The following PSME4 variants were observed in gnomAD, a reference collection of about 807,000 sequenced individuals.
The protein encoded by PSME4 is proteasome activator subunit 4.
Under a neutral mutation model 253.9 loss-of-function variants are expected in PSME4, and 89 were observed. The observed-to-expected ratio is 0.35, with a 90% CI of 0.30 to 0.42. The LOEUF is 0.42. Ranked by LOEUF, PSME4 falls within the 10% of genes least tolerant of loss-of-function variation. The pLI, the probability that PSME4 is intolerant of heterozygous loss-of-function variation, is 1.00. For missense variants in PSME4, 2,014 were observed against 2,195.2 expected (o/e 0.92, Z 1.65); for synonymous variants, 851 against 759.2 (o/e 1.12, Z -1.99).
chr2:53,906,770 T>G, intron 25 of PSME4, 36 bp downstream of exon 25: 1 of 1,601,486 alleles, frequency 6.2e-7, no homozygotes, highest in East Asian at 2.2e-5. Flanking sequence ...AAAATTGACA[T>G]TTTAAAAAGT....
chr2:53,924,252 TAAG>T (rs1041455995), intron 14 of PSME4, among the ~76,000 whole-genome samples: 1 of 152,204 alleles, frequency 6.6e-6, no homozygotes, highest in African/African-American at 2.4e-5. Flanking sequence ...TTTGGTTAAA[TAAG>T]AGATGATTTG....
At chr2:53,891,028 A>AAAAAC (rs1228717204) in intron 36 of PSME4, among the ~76,000 whole-genome samples, 1 of 152,278 alleles carries the variant, frequency 6.6e-6, no homozygotes, top group African/African-American at 2.4e-5. Context: ...CTCCGTCTAA[A>AAAAAC]AAAACAAAAC....
chr2:53,943,710 C>T (rs762922088), intron 3 of PSME4, among the ~76,000 whole-genome samples: 49 of 151,708 alleles, frequency 3.2e-4, no homozygotes, highest in Non-Finnish European at 6.2e-4. Flanking sequence ...GGTGTGGTGG[C>T]GCACACCTGT....
intron 3 of PSME4, among the ~76,000 whole-genome samples, chr2:53,947,814 G>A (rs965426084): frequency 2.4e-4 from 36 of 152,066 alleles, no homozygotes; most frequent in African/African-American, 3.4e-4. Context: ...TCAGGAGTTC[G>A]AGACCAGCCT....
chr2:53,961,465 C>T (rs1670492277), intron 1 of PSME4, among the ~76,000 whole-genome samples: 1 of 151,940 alleles, frequency 6.6e-6, no homozygotes, highest in African/African-American at 2.4e-5. Context: ...CAGGAGTTTG[C>T]GACCAGCCGT....
chr2:53,897,673 T>G (rs1054704337), intron 31 of PSME4, among the ~76,000 whole-genome samples, 197 bp downstream of exon 31: 2 of 152,210 alleles, frequency 1.3e-5, no homozygotes, highest in Non-Finnish European at 2.9e-5. Flanking sequence ...ATATCCCCAG[T>G]CTTTTAAACA....
chr2:53,888,876 TCA>T, intron 37 of PSME4, 64 bp from the exon 38 acceptor site: 2 of 1,257,316 alleles, frequency 1.6e-6, no homozygotes, highest in Non-Finnish European at 2.3e-6. Flanking sequence ...CAAATCATAC[TCA>T]GTTATTTAAT....
chr2:53,923,054 G>A lies in PSME4; in HGVS notation c.1973C>T (p.Thr658Ile). Residue 658 changes from threonine (T) to isoleucine (I), a missense_variant, in exon 16 of 47, where the codon ACA (threonine) becomes ATA (isoleucine). By Grantham distance (89) the Thr-to-Ile change is moderately conservative (BLOSUM62 -1). Around this residue, in one of 4 missense-constraint regions of PSME4, gnomAD observed 989 missense variants for 1,021.1 expected, o/e 0.97. Transcript: ENST00000404125. ...ATAATGACCTTATGACTTACTCATT[G>A]TAAGCTGAGTTATAACACTGCAGCA... ...PHCCSVITQL[T>I]MNDDVLNDEE... 6.4e-7 allele frequency: 1 copy of A among 1,571,714 alleles called. No homozygotes were observed. The highest frequency in any genetic ancestry group is 8.7e-7 in the Non-Finnish European group (1 of 1,155,834).
rs571833072 is a variant in PSME4, at chr2:53,933,375, C to CAAAAAAAAAAAAAAAAA, written c.958-632_958-616dup. The stretch of plus-strand genomic sequence containing the variant: ...CCTGGGCGATAGAGCGAGACCATCT[C>CAAAAAAAAAAAAAAAAA]AAAAAAAAAAAAAAAAAAAAAAAAA... On this transcript the variant is annotated intron_variant, in intron 8 of 46. Transcript: ENST00000404125. Among the ~76,000 whole-genome samples the CAAAAAAAAAAAAAAAAA allele has an allele frequency of 4.0e-4, 24 of 60,612 alleles. 1 individual carries two copies. Among genetic ancestry groups the CAAAAAAAAAAAAAAAAA allele is most frequent in the East Asian group, 1.3e-3 (3 of 2,334 alleles). The allele number at this position is 60,612 out of a possible 152,430, so 39.8% of individuals were successfully genotyped here. A position where few individuals can be genotyped will look rare whatever the true frequency, so the allele number is the denominator to read the frequency against.
intron 3 of PSME4, among the ~76,000 whole-genome samples, chr2:53,946,878 C>A (rs1414095706): frequency 6.6e-6 from 1 of 151,904 alleles, no homozygotes; most frequent in Non-Finnish European, 1.5e-5. Context: ...CTTGCCACTG[C>A]ACTCCAGCCT....
intron 45 of PSME4, 51 bp from the exon 46 acceptor site, chr2:53,866,274 T>C: frequency 1.3e-6 from 2 of 1,585,590 alleles, no homozygotes; most frequent in Non-Finnish European, 1.7e-6. Flanking sequence ...ACAACCAGGA[T>C]CATATGTAGG....
intron 28 of PSME4, among the ~76,000 whole-genome samples, 177 bp downstream of exon 28, chr2:53,901,173 G>A (rs1558665332): frequency 6.6e-6 from 1 of 151,986 alleles, no homozygotes; most frequent in East Asian, 1.9e-4. Flanking sequence ...ACCCTGTTAT[G>A]TACAATAATG....
At chr2:53,938,791 A>T (rs1378561474) in intron 4 of PSME4, among the ~76,000 whole-genome samples, 2 of 152,168 alleles carry the variant, frequency 1.3e-5, no homozygotes, top group Non-Finnish European at 2.9e-5. Flanking sequence ...AAATAAAATT[A>T]TATTTCTAAG....
chr2:53,885,844 T>C, intron 40 of PSME4, 69 bp from the exon 41 acceptor site: 1 of 1,117,774 alleles, frequency 8.9e-7, no homozygotes, highest in Non-Finnish European at 1.3e-6. Flanking sequence ...TAGAACAATA[T>C]TGTAATGTTA....
chr2:53,957,413 G>T (rs965628196), intron 1 of PSME4, among the ~76,000 whole-genome samples: 11 of 152,160 alleles, frequency 7.2e-5, no homozygotes, highest in Non-Finnish European at 1.3e-4. Context: ...TCCCATTGGG[G>T]GGTGATGGGA....
chr2:53,925,805 T>G, intron 13 of PSME4, 116 bp from the exon 14 acceptor site: 2 of 1,271,914 alleles, frequency 1.6e-6, no homozygotes, highest in Non-Finnish European at 2.2e-6. Context: ...ACTTAATTTC[T>G]ACGTGGTTCA....
intron 3 of PSME4, among the ~76,000 whole-genome samples, chr2:53,947,521 T>C (rs1004402270): frequency 9.7e-4 from 147 of 151,598 alleles, no homozygotes; most frequent in African/African-American, 3.4e-3. Flanking sequence ...TTGGCTAACA[T>C]GGTGAAACAC....
intron 4 of PSME4, 70 bp from the exon 5 acceptor site, chr2:53,937,610 C>G: frequency 6.9e-7 from 1 of 1,445,418 alleles, no homozygotes; most frequent in East Asian, 2.3e-5. Flanking sequence ...ATATATATAA[C>G]TGACCAAAAG....
chr2:53,902,777 C>CCATA (rs900617822), intron 27 of PSME4, among the ~76,000 whole-genome samples: 3 of 152,110 alleles, frequency 2.0e-5, no homozygotes, highest in Non-Finnish European at 4.4e-5. Flanking sequence ...GTGAAAGTAG[C>CCATA]CATACATAAT....
Sources: allele counts gnomAD v4.1 joint callset (sites outside exome capture counted in the v4.1 genomes callset), GRCh38; gene constraint gnomAD v4.1.1; regional missense constraint gnomAD v4.1.1; transcripts MANE v1.5; gene names NCBI Gene and HGNC (gene_info 2026-07-23, HGNC 2026-07-21).